The following DROSHA variants were observed in gnomAD, a reference collection of about 807,000 sequenced individuals.
DROSHA encodes the protein drosha ribonuclease III, also known as ribonuclease 3.
Under a neutral mutation model 181.9 loss-of-function variants are expected in DROSHA, and 56 were observed. The ratio of observed to expected loss-of-function variants is 0.31; its 90% confidence interval spans 0.25 to 0.38. DROSHA has a LOEUF of 0.38. Ranked by LOEUF, DROSHA falls within the 10% of genes least tolerant of loss-of-function variation. The pLI is 1.00. For missense variants in DROSHA, 1,218 were observed against 1,743.5 expected, an observed-to-expected ratio of 0.70 and a Z score of 5.37; for synonymous variants, 524 against 591.2, an observed-to-expected ratio of 0.89 and a Z score of 1.65.
At chr5:31,510,344 C>T (rs1228941122) in intron 9 of DROSHA, among the ~76,000 whole-genome samples, 1 of 152,126 alleles carries the variant, frequency 6.6e-6, no homozygotes, top group Non-Finnish European at 1.5e-5. Flanking sequence ...CCAAGCCATC[C>T]AACTCCCAAC....
At chr5:31,523,629 A>G (rs1416963870) in intron 5 of DROSHA, among the ~76,000 whole-genome samples, 1 of 152,218 alleles carries the variant, frequency 6.6e-6, no homozygotes, top group Non-Finnish European at 1.5e-5. Context: ...AACTATTTAC[A>G]AACTATTTAC....
rs932400695 is a variant in DROSHA at position 31,400,620 on chromosome 5, G to T, written c.*812C>A. The T allele has an allele frequency of 6.6e-6, 1 of 152,216 alleles. No individual in the cohort carries two copies. Among genetic ancestry groups the T allele is most frequent in the Non-Finnish European group, 1.5e-5 (1 of 68,046 alleles). The allele number at this position is 152,216 out of a possible 1,614,324, so 9.4% of individuals were successfully genotyped here. A position where few individuals can be genotyped will look rare whatever the true frequency, so the allele number is the denominator to read the frequency against. ...CCTTTTACTGCAGGGCCCACTTAGA[G>T]AGGCTGATAAAAGCTATAAACCCTC... On this transcript the variant is annotated 3_prime_UTR_variant, in exon 36 of 36. Coordinates refer to ENST00000344624, the MANE Select transcript of DROSHA (RefSeq NM_001382508.1).
intron 14 of DROSHA, among the ~76,000 whole-genome samples, chr5:31,485,484 GAT>G (rs769739353): frequency 3.7e-4 from 56 of 152,146 alleles, no homozygotes; most frequent in Non-Finnish European, 7.2e-4. Context: ...AAGCTAAACA[GAT>G]ATATTTGCAA....
rs1208324697 is a variant in DROSHA at position 31,526,821 on chromosome 5, T to C, written c.112A>G (p.Asn38Asp). Residue 38 changes from asparagine to aspartate, a missense_variant, in exon 5 of 36, where the codon AAT (asparagine) becomes GAT (aspartate). By Grantham distance (23) the Asn-to-Asp change is conservative. Coordinates refer to ENST00000344624, the MANE Select transcript of DROSHA (RefSeq NM_001382508.1). ...RPSAPSFRPQ[N>D]LRLLHPQQPP... The stretch of plus-strand genomic sequence containing the variant: ...TGCTGAGGGTGAAGCAGCCTCAGAT[T>C]TTGGGGCCTAAAGGATGGTGCTGAG... The C allele has an allele frequency of 1.9e-6, 3 of 1,612,882 alleles. No individual in the cohort carries two copies. The highest frequency in any genetic ancestry group is 1.7e-6 in the Non-Finnish European group (2 of 1,179,696).
Position 31,431,676 on chromosome 5 carries a change from T to C in DROSHA, c.3045A>G (p.Lys1015=), listed in dbSNP as rs1744198043. The C allele has an allele frequency of 1.9e-6, 3 of 1,613,604 alleles. No individual in the cohort carries two copies. Among genetic ancestry groups the C allele is most frequent in the African/African-American group, 1.3e-5 (1 of 74,902 alleles). ...QNQHLAMLAK[K]LELDRFMLYA... ...ACAGCATAAATCGATCCAGTTCAAG[T>C]TTCTACAAAATTCACAATGACAAAA... is the stretch of plus-strand genomic sequence containing the variant. The change falls in exon 26 of 36, where the codon AAA becomes AAG. Residue 1015 remains lysine (K), a splice_region_variant and synonymous_variant. Transcript: ENST00000344624.
At chr5:31,525,703 A>T (rs1464495364) in intron 5 of DROSHA, among the ~76,000 whole-genome samples, 2 of 152,130 alleles carry the variant, frequency 1.3e-5, no homozygotes, top group Non-Finnish European at 2.9e-5. Context: ...GTTCCAAAAA[A>T]ACTCAAATGC....
intron 30 of DROSHA, among the ~76,000 whole-genome samples, chr5:31,412,183 G>T (rs1172830174): frequency 6.6e-6 from 1 of 152,158 alleles, no homozygotes; most frequent in Non-Finnish European, 1.5e-5. Flanking sequence ...GGACAGCCGG[G>T]AGCAAGGAGG....
chr5:31,505,615 A>C (rs1012092981), intron 10 of DROSHA: 2 of 152,314 alleles, frequency 1.3e-5, no homozygotes, highest in Non-Finnish European at 2.9e-5. Flanking sequence ...TGAATCAAAA[A>C]CAAGACCAGA....
intron 13 of DROSHA, among the ~76,000 whole-genome samples, chr5:31,492,913 C>T (rs958759995): frequency 4.6e-5 from 7 of 152,338 alleles, no homozygotes; most frequent in Middle Eastern, 6.8e-3. Flanking sequence ...ATAGCTTTAA[C>T]ACATTACTCC....
chr5:31,525,538 A>G (rs1055785858), intron 5 of DROSHA, among the ~76,000 whole-genome samples: 5 of 151,236 alleles, frequency 3.3e-5, no homozygotes, highest in Admixed American at 6.6e-5. Flanking sequence ...AGATATTTTG[A>G]AAACTAACTT....
In DROSHA at chr5:31,442,776, C is replaced by T. The variant is rs146668095; in HGVS notation, c.2883-5478G>A. 2.5e-3 allele frequency among the ~76,000 whole-genome samples: 385 copies of T among 152,054 alleles called. 2 individuals are homozygous for T. The highest frequency in any genetic ancestry group is 8.8e-3 in the African/African-American group (365 of 41,484). ...GTGCCTTGGAGGTCAGTGGGAACTT[C>T]TACCCAACTTAGGATTCCTTCACCT... On this transcript the variant is annotated intron_variant, in intron 23 of 35. Coordinates refer to ENST00000344624, the MANE Select transcript of DROSHA (RefSeq NM_001382508.1).
chr5:31,521,261 A>G lies in DROSHA; in HGVS notation c.855-46T>C, dbSNP rs1739866508. ...GAGCTGTTTTCAACAGAAAGACTCA[A>G]AAACACCATCTCTTTTCACTGAATT... On this transcript the variant is annotated intron_variant, in intron 5 of 35. Coordinates refer to ENST00000344624, the MANE Select transcript of DROSHA (RefSeq NM_001382508.1). 6 of 1,591,692 alleles carry G rather than the reference A, an allele frequency of 3.8e-6. No individual in the cohort carries two copies. The South Asian group carries it at 4.4e-5, about 12-fold the overall frequency.
intron 30 of DROSHA, 132 bp downstream of exon 30, chr5:31,421,140 A>C (rs1196568915): frequency 1.4e-6 from 1 of 700,870 alleles, no homozygotes; most frequent in Non-Finnish European, 2.4e-6. Flanking sequence ...TGCACAATGA[A>C]ATGAACAAAG....
At chr5:31,453,353 A>C (rs1263815344) in intron 20 of DROSHA, among the ~76,000 whole-genome samples, 14 of 152,106 alleles carry the variant, frequency 9.2e-5, no homozygotes, top group Admixed American at 8.5e-4. Flanking sequence ...GGCATGCAGC[A>C]CCACACTCTG....
At chr5:31,519,310 C>T (rs531683039) in intron 6 of DROSHA, among the ~76,000 whole-genome samples, 1 of 152,086 alleles carries the variant, frequency 6.6e-6, no homozygotes, top group Non-Finnish European at 1.5e-5. Context: ...TGTCTCCTCT[C>T]CTCCTCCTCA....
intron 26 of DROSHA, 130 bp downstream of exon 26, chr5:31,431,446 G>T: frequency 2.9e-6 from 2 of 681,168 alleles, no homozygotes; most frequent in East Asian, 3.0e-5. Context: ...GGTGGTAGGT[G>T]TCGTCCTAGG....
chr5:31,512,428 A>C (rs750558606), intron 8 of DROSHA, among the ~76,000 whole-genome samples: 25 of 152,254 alleles, frequency 1.6e-4, no homozygotes, highest in South Asian at 1.2e-3. Flanking sequence ...CTTCATCTTT[A>C]TTGTTTTAAG....
At chr5:31,481,241 T>C (rs1163925341) in intron 16 of DROSHA, among the ~76,000 whole-genome samples, 1 of 152,228 alleles carries the variant, frequency 6.6e-6, no homozygotes, top group Admixed American at 6.5e-5. Context: ...CTTCTTAGTA[T>C]GTATATTTTC....
rs370990538 is a variant in DROSHA, at chr5:31,429,495, G to A, written c.3196C>T (p.Arg1066Cys). ...AATACCGGATCATTAAAGAGCAAGCGTCCAAATAACTGCTTGGCTTCCTCC... is the reference window on the plus strand; with the variant it reads ...AATACCGGATCATTAAAGAGCAAGCATCCAAATAACTGCTTGGCTTCCTCC... Reference protein sequence around the residue: ...SLEEAKQLFGRLLFNDPDLRE... With the variant: ...SLEEAKQLFGCLLFNDPDLRE... The change falls in exon 27 of 36, where the codon CGC (arginine) becomes TGC (cysteine). Residue 1066 changes from arginine to cysteine, a missense_variant. By Grantham distance (180) the Arg-to-Cys change is radical. Around this residue, in one of 8 missense-constraint regions of DROSHA, gnomAD observed 71 missense variants for 95.2 expected, o/e 0.75. Transcript: ENST00000344624. 1.9e-5 allele frequency: 30 copies of A among 1,611,352 alleles called. No homozygotes were observed. Among genetic ancestry groups the A allele is most frequent in the East Asian group, 6.7e-5 (3 of 44,788 alleles).
Sources: allele counts gnomAD v4.1 joint callset (sites outside exome capture counted in the v4.1 genomes callset), GRCh38; gene constraint gnomAD v4.1.1; regional missense constraint gnomAD v4.1.1; transcripts MANE v1.5; gene names NCBI Gene and HGNC (gene_info 2026-07-23, HGNC 2026-07-21).